The following HMCN1 variants were observed in gnomAD, a reference collection of about 807,000 sequenced individuals.
HMCN1 encodes the protein hemicentin-1.
Under a neutral mutation model 625.9 loss-of-function variants are expected in HMCN1, and 321 were observed. That is an observed-to-expected ratio of 0.51 (90% CI 0.47 to 0.56). The LOEUF is 0.56. Among genes scored for constraint, HMCN1 ranks in the 20% least tolerant of loss-of-function variants. The probability of loss-of-function intolerance (pLI) is 0.00; values close to 1 mark genes in which losing one functional copy is unlikely to be tolerated. For missense variants in HMCN1, 6,588 were observed against 6,887.3 expected (o/e 0.96, Z 1.54); for synonymous variants, 2,425 against 2,417.6 (o/e 1.00, Z -0.09).
chr1:185,739,470 C>T (rs1049811434), intron 1 of HMCN1, among the ~76,000 whole-genome samples: 1 of 152,126 alleles, frequency 6.6e-6, no homozygotes, highest in Admixed American at 6.5e-5. Context: ...CTCTTATATC[C>T]CCTCCTCTCT....
intron 11 of HMCN1, among the ~76,000 whole-genome samples, chr1:185,940,725 A>G (rs1311246692): frequency 6.6e-6 from 1 of 152,160 alleles, no homozygotes; most frequent in African/African-American, 2.4e-5. Context: ...CTAGTCATCT[A>G]GAAGCTTCTT....
chr1:185,964,868 A>C (rs1028893944), intron 13 of HMCN1, among the ~76,000 whole-genome samples: 73 of 152,244 alleles, frequency 4.8e-4, no homozygotes, highest in African/African-American at 1.7e-3. Context: ...AAGACAGGAG[A>C]GTAAAAGTCT....
chr1:185,891,933 CA>C lies in HMCN1; in HGVS notation c.622-17403del, dbSNP rs1338651579. On this transcript the variant is annotated intron_variant, in intron 4 of 106. Coordinates refer to ENST00000271588, the MANE Select transcript of HMCN1 (RefSeq NM_031935.3). ...TCCAACTTGGTTCCATTCTCCCCATCACTTTTAGGTACACCAATCAGATGTA... is the reference window on the plus strand; with the variant it reads ...TCCAACTTGGTTCCATTCTCCCCATCCTTTTAGGTACACCAATCAGATGTA... Among the ~76,000 whole-genome samples, 2 of 149,492 alleles carry C rather than the reference CA, an allele frequency of 1.3e-5. 1 individual carries two copies. The highest frequency in any genetic ancestry group is 5.2e-5 in the African/African-American group (2 of 38,802).
At chr1:186,174,483 A>G in intron 102 of HMCN1, 31 bp from the exon 103 acceptor site, 1 of 1,612,982 alleles carries the variant, frequency 6.2e-7, no homozygotes, top group Non-Finnish European at 8.5e-7. Flanking sequence ...GAAAGAGGAA[A>G]TGTTACTTCT....
intron 74 of HMCN1, 152 bp from the exon 75 acceptor site, chr1:186,115,106 T>C (rs954961865): frequency 2.8e-5 from 37 of 1,326,750 alleles, no homozygotes; most frequent in Non-Finnish European, 3.4e-5. Flanking sequence ...GTATAGTTAA[T>C]ATCATCACAG....
At chr1:185,981,326 G>GCACACACACACA (rs58305455) in intron 17 of HMCN1, among the ~76,000 whole-genome samples, 11 of 147,842 alleles carry the variant, frequency 7.4e-5, no homozygotes, top group African/African-American at 2.7e-4. Flanking sequence ...ATACACACAT[G>GCACACACACACA]CACACACACA....
chr1:185,914,561 A>G (rs188081223), intron 6 of HMCN1, among the ~76,000 whole-genome samples: 2 of 152,150 alleles, frequency 1.3e-5, no homozygotes, highest in Admixed American at 1.3e-4. Flanking sequence ...TTTGTCAAAT[A>G]TAATTTTGTA....
chr1:185,993,307 A>G lies in HMCN1; in HGVS notation c.3503A>G (p.His1168Arg), dbSNP rs773624685. 18 of 1,612,660 alleles carry G rather than the reference A, an allele frequency of 1.1e-5. No individual in the cohort carries two copies. The South Asian group carries it at 1.9e-4, about 17-fold the overall frequency. Residue 1168 changes from histidine to arginine, a missense_variant and splice_region_variant, in exon 23 of 107, where the codon CAT becomes CGT. Physicochemically the swap from His to Arg is conservative, Grantham distance 29. This residue lies in a region of HMCN1 where 4,628 missense variants were observed against 4,853.1 expected (regional missense o/e 0.95). Coordinates refer to ENST00000271588, the MANE Select transcript of HMCN1 (RefSeq NM_031935.3). Reference sequence around the variant, plus strand: ...ACTCAGGCTGTCAAATTAAATGTCCATGGTGAGTCTTGAAATGAGAACATA... The same window carrying G: ...ACTCAGGCTGTCAAATTAAATGTCCGTGGTGAGTCTTGAAATGAGAACATA... ...NVTQAVKLNV[H>R]VPPKIQRGPK...
At chr1:186,009,520 A>G (rs957793553) in intron 30 of HMCN1, among the ~76,000 whole-genome samples, 6 of 152,164 alleles carry the variant, frequency 3.9e-5, no homozygotes, top group African/African-American at 1.4e-4. Flanking sequence ...TGCTTTGGCT[A>G]ACTGTGAAGA....
chr1:185,761,485 G>C (rs923095298), intron 1 of HMCN1, among the ~76,000 whole-genome samples: 2 of 152,114 alleles, frequency 1.3e-5, no homozygotes, highest in African/African-American at 4.8e-5. Flanking sequence ...ACTTCGAGTG[G>C]TATTACAGTG....
In HMCN1 at chr1:186,038,024, A is replaced by G. The variant is rs1655949861; in HGVS notation, c.5840A>G (p.Asn1947Ser). Reference sequence around the variant, plus strand: ...CAGCTGGAGTGTAAGGCAGCTGGAAATCCTGTGCCTGGTACATTTACTTTT... The same window carrying G: ...CAGCTGGAGTGTAAGGCAGCTGGAAGTCCTGTGCCTGGTACATTTACTTTT... ...PVQLECKAAG[N>S]PVPVITWYKD... The change falls in exon 37 of 107, where the codon AAT becomes AGT. Residue 1947 changes from asparagine (N) to serine (S), a missense_variant. Asn to Ser is a conservative substitution (Grantham distance 46, BLOSUM62 1). Around this residue, in one of 3 missense-constraint regions of HMCN1, gnomAD observed 4,628 missense variants for 4,853.1 expected, o/e 0.95. Coordinates refer to ENST00000271588, the MANE Select transcript of HMCN1 (RefSeq NM_031935.3). 6.3e-7 allele frequency: 1 copy of G among 1,597,296 alleles called. No individual in the cohort carries two copies. Among genetic ancestry groups the G allele is most frequent in the Non-Finnish European group, 8.6e-7 (1 of 1,164,720 alleles).
intron 68 of HMCN1, among the ~76,000 whole-genome samples, chr1:186,101,672 C>A (rs1228314268): frequency 6.6e-6 from 1 of 152,012 alleles, no homozygotes; most frequent in Non-Finnish European, 1.5e-5. Context: ...TACACAAGAG[C>A]ATGTTAATAC....
chr1:185,990,488 C>A (rs907937587), intron 22 of HMCN1, 45 bp downstream of exon 22: 3 of 1,541,880 alleles, frequency 1.9e-6, no homozygotes, highest in Non-Finnish European at 2.7e-6. Context: ...ACATAATCAA[C>A]CTCTTGGGAC....
At chr1:185,944,644 C>T (rs1045485744) in intron 11 of HMCN1, among the ~76,000 whole-genome samples, 1 of 152,178 alleles carries the variant, frequency 6.6e-6, no homozygotes, top group Non-Finnish European at 1.5e-5. Flanking sequence ...TTGACTTAAA[C>T]TGTGGTAGAG....
intron 93 of HMCN1, among the ~76,000 whole-genome samples, chr1:186,150,152 G>A (rs550991521): frequency 2.9e-4 from 44 of 152,196 alleles, no homozygotes; most frequent in African/African-American, 1.0e-3. Flanking sequence ...CGCAGTGTCT[G>A]CAAAGAGCAA....
chr1:185,953,277 A>G (rs938829760), intron 11 of HMCN1, among the ~76,000 whole-genome samples: 1 of 151,584 alleles, frequency 6.6e-6, no homozygotes, highest in African/African-American at 2.4e-5. Context: ...GGGGTACTTG[A>G]CCCTTCCCCA....
chr1:185,983,038 AT>A (rs1651760393), intron 18 of HMCN1, among the ~76,000 whole-genome samples: 1 of 152,106 alleles, frequency 6.6e-6, no homozygotes, highest in Non-Finnish European at 1.5e-5. Flanking sequence ...TTTGTAGTAC[AT>A]TGTTAAACGT....
chr1:186,150,540 G>C (rs2102571639), intron 93 of HMCN1, among the ~76,000 whole-genome samples: 1 of 152,216 alleles, frequency 6.6e-6, no homozygotes, highest in East Asian at 1.9e-4. Context: ...GTAATATGAA[G>C]AACTTGATAA....
At chr1:185,903,606 A>G (rs2102438799) in intron 4 of HMCN1, among the ~76,000 whole-genome samples, 1 of 151,908 alleles carries the variant, frequency 6.6e-6, no homozygotes, top group Non-Finnish European at 1.5e-5. Context: ...AAATAGGTAC[A>G]CAACACCCAA....
Sources: gnomAD v4.1 joint callset for allele counts (sites outside exome capture counted in the v4.1 genomes callset) on GRCh38, gnomAD v4.1.1 for gene constraint, gnomAD v4.1.1 regional missense constraint, MANE v1.5 for transcripts, NCBI Gene and HGNC (gene_info 2026-07-23, HGNC 2026-07-21) for gene names.